Variants in ENO1 observed in about 807,000 individuals in gnomAD.
ENO1 encodes the protein alpha-enolase.
Under a neutral mutation model 46.3 loss-of-function variants are expected in ENO1, and 33 were observed. The ratio of observed to expected loss-of-function variants is 0.71; its 90% confidence interval spans 0.54 to 0.95. ENO1 has a LOEUF of 0.95. ENO1 is among the 40% of genes least tolerant of loss of function. The pLI, the probability that ENO1 is intolerant of heterozygous loss-of-function variation, is 0.00. For missense variants in ENO1, 488 were observed against 553.3 expected, an observed-to-expected ratio of 0.88 and a Z score of 1.18; for synonymous variants, 220 against 216.0, an observed-to-expected ratio of 1.02 and a Z score of -0.16.
Position 8,878,670 on chromosome 1 carries a change from G to T in ENO1, c.-100C>A, listed in dbSNP as rs551119714. 2 of 456,048 alleles carry T rather than the reference G, an allele frequency of 4.4e-6. No homozygotes were observed. Among genetic ancestry groups the T allele is most frequent in the East Asian group, 1.4e-4 (2 of 14,386 alleles). 28.3% of individuals were successfully genotyped at this position (456,048 alleles called of 1,614,324 possible). On this transcript the variant is annotated 5_prime_UTR_variant, in exon 1 of 12. Transcript: ENST00000234590. ...AAAGCCGGCGAGATCTCCGTGCTCC[G>T]GGTACCCACAGATACTGTCCGCGCC...
intron 11 of ENO1, 45 bp downstream of exon 11, chr1:8,862,842 C>A: frequency 6.2e-7 from 1 of 1,606,616 alleles, no homozygotes; most frequent in South Asian, 1.1e-5. Context: ...TGCAGGCCCC[C>A]ACCTAGTGAA....
chr1:8,874,697 T>C, intron 2 of ENO1, 127 bp downstream of exon 2: 1 of 691,276 alleles, frequency 1.4e-6, no homozygotes, highest in South Asian at 2.0e-5. Context: ...CACAACCTAC[T>C]AGCATGTGCA....
intron 10 of ENO1, 24 bp from the exon 11 acceptor site, chr1:8,862,969 G>C (rs2765522): frequency 6.2e-7 from 1 of 1,613,294 alleles, no homozygotes; most frequent in Non-Finnish European, 8.5e-7. Context: ...AAGGCCATTT[G>C]CTTACAGCGG....
Position 8,863,873 on chromosome 1 carries a change from G to T in ENO1, c.1067+18C>A, listed in dbSNP as rs769087479. ...AGCCGTAGCTGCGGGAAAGCTGCTCGCCTGGGAAGACACTTACGCCTGAAG... is the reference window on the plus strand; with the variant it reads ...AGCCGTAGCTGCGGGAAAGCTGCTCTCCTGGGAAGACACTTACGCCTGAAG... On this transcript the variant is annotated intron_variant, in intron 9 of 11. Transcript: ENST00000234590. 3 of 1,613,956 alleles carry T rather than the reference G, an allele frequency of 1.9e-6. No individual in the cohort carries two copies. The highest frequency in any genetic ancestry group is 3.3e-5 in the Admixed American group (2 of 60,020).
intron 9 of ENO1, 54 bp from the exon 10 acceptor site, chr1:8,863,397 C>T: frequency 1.3e-6 from 2 of 1,536,160 alleles, no homozygotes; most frequent in Non-Finnish European, 1.8e-6. Context: ...GGTTCCATAA[C>T]CCCCAATGCC....
intron 4 of ENO1, among the ~76,000 whole-genome samples, chr1:8,868,649 A>T (rs1642571784): frequency 6.6e-6 from 1 of 152,262 alleles, no homozygotes; most frequent in African/African-American, 2.4e-5. Flanking sequence ...GAACTGGCTC[A>T]AAGTAATCCA....
At chr1:8,867,551 AAT>A (rs150929922) in intron 5 of ENO1, among the ~76,000 whole-genome samples, 64,274 of 149,606 alleles carry the variant, frequency 0.43, 15,402 homozygotes, top group Non-Finnish European at 0.55. Flanking sequence ...ATTCAAAAAA[AAT>A]TTTTTTTTTT....
chr1:8,867,951 A>G (rs199978910), intron 5 of ENO1, 37 bp downstream of exon 5: 1 of 1,587,012 alleles, frequency 6.3e-7, no homozygotes, highest in Admixed American at 1.7e-5. Context: ...AGACTTCATG[A>G]TCTTCCCCAG....
At chr1:8,870,647 C>T in intron 3 of ENO1, 137 bp from the exon 4 acceptor site, 1 of 1,506,804 alleles carries the variant, frequency 6.6e-7, no homozygotes, top group South Asian at 1.2e-5. Flanking sequence ...CCCCCTCTCC[C>T]CTTTCCCCCC....
intron 4 of ENO1, among the ~76,000 whole-genome samples, chr1:8,868,557 C>G (rs558767971): frequency 6.6e-6 from 1 of 152,096 alleles, no homozygotes; most frequent in African/African-American, 2.4e-5. Context: ...GCAGGTAGTC[C>G]GAAATCATTT....
chr1:8,867,323 G>C, intron 5 of ENO1, 73 bp from the exon 6 acceptor site: 1 of 1,584,872 alleles, frequency 6.3e-7, no homozygotes. Flanking sequence ...GTACTGCCCT[G>C]AGGGTTGTAT....
chr1:8,867,440 AACT>A (rs1642544138), intron 5 of ENO1, among the ~76,000 whole-genome samples, 190 bp from the exon 6 acceptor site: 1 of 152,212 alleles, frequency 6.6e-6, no homozygotes. Context: ...GACAGAGCCC[AACT>A]CCAGCCAACA....
rs771284478 is a variant in ENO1 at position 8,874,831 on chromosome 1, G to A, written c.78C>T (p.Thr26=). 1 of 1,613,374 alleles carries A rather than the reference G, an allele frequency of 6.2e-7. No homozygotes were observed. The highest frequency in any genetic ancestry group is 1.1e-5 in the South Asian group (1 of 91,014). The stretch of plus-strand genomic sequence containing the variant: ...CAAGGAGGTGGCACATACCTTTTGA[G>A]GTGAAGAGATCAACCTCAACAGTGG... The part of the protein sequence containing the change: ...GNPTVEVDLF[T]SKGLFRAAVP... Residue 26 remains threonine (T), a synonymous_variant, in exon 2 of 12, where the codon ACC becomes ACT. Transcript: ENST00000234590.
intron 2 of ENO1, among the ~76,000 whole-genome samples, chr1:8,874,194 G>A (rs920699542): frequency 6.6e-6 from 1 of 152,110 alleles, no homozygotes; most frequent in Admixed American, 6.5e-5. Context: ...ACTAGTGATG[G>A]GCCCCTTTAG....
intron 8 of ENO1, among the ~76,000 whole-genome samples, chr1:8,864,884 G>A (rs1206143962): frequency 2.6e-5 from 4 of 152,152 alleles, no homozygotes; most frequent in Non-Finnish European, 5.9e-5. Context: ...TAGAAAGGTG[G>A]TCACAGTCTC....
At chr1:8,876,242 C>G (rs138312207) in intron 1 of ENO1, 3 of 152,312 alleles carry the variant, frequency 2.0e-5, no homozygotes, top group East Asian at 3.9e-4. Context: ...CCTGAGGTGG[C>G]AAGTGGCAGG....
chr1:8,870,807 G>T, intron 3 of ENO1: 1 of 1,385,968 alleles, frequency 7.2e-7, no homozygotes, highest in African/African-American at 1.4e-5. Context: ...GCAGACTAAA[G>T]GCTGTTCAAT....
Position 8,867,268 on chromosome 1 carries a change from C to A in ENO1, c.311-18G>T, listed in dbSNP as rs753057751. The stretch of plus-strand genomic sequence containing the variant: ...AAACTTAGCTAGAACAGAAGAGAAC[C>A]GAGTGGAATGAAGTCATTTCTGATT... On this transcript the variant is annotated intron_variant, in intron 5 of 11. Coordinates refer to ENST00000234590, the MANE Select transcript of ENO1 (RefSeq NM_001428.5). 6.2e-7 allele frequency: 1 copy of A among 1,612,942 alleles called. No individual in the cohort carries two copies. Among genetic ancestry groups the A allele is most frequent in the African/African-American group, 1.3e-5 (1 of 74,890 alleles).
chr1:8,874,343 C>T (rs989209865), intron 2 of ENO1, among the ~76,000 whole-genome samples: 3 of 151,966 alleles, frequency 2.0e-5, no homozygotes, highest in Admixed American at 6.6e-5. Flanking sequence ...GAGGCAGAGG[C>T]GGGCAGATCA....
Sources: allele counts gnomAD v4.1 joint callset (sites outside exome capture counted in the v4.1 genomes callset), GRCh38; gene constraint gnomAD v4.1.1; transcripts MANE v1.5; gene names NCBI Gene and HGNC (gene_info 2026-07-23, HGNC 2026-07-21).